Variants in DSCAM observed in about 807,000 individuals in gnomAD.
DSCAM encodes the protein DS cell adhesion molecule, also known as cell adhesion molecule DSCAM.
Under a neutral mutation model 217.7 loss-of-function variants are expected in DSCAM, and 47 were observed. The observed-to-expected ratio is 0.22, with a 90% CI of 0.17 to 0.28. The LOEUF (loss-of-function observed/expected upper bound fraction) is 0.28, where lower values mean the gene tolerates loss of function less well. Among genes scored for constraint, DSCAM ranks in the 10% least tolerant of loss-of-function variants. The pLI, the probability that DSCAM is intolerant of heterozygous loss-of-function variation, is 1.00. For synonymous variants in DSCAM, 1,056 were observed against 1,015.3 expected (o/e 1.04, Z -0.76); for missense variants, 2,080 against 2,618.3 (o/e 0.79, Z 4.49).
At chr21:40,218,392 G>C (rs761373736) in intron 11 of DSCAM, among the ~76,000 whole-genome samples, 1 of 152,170 alleles carries the variant, frequency 6.6e-6, no homozygotes, top group Non-Finnish European at 1.5e-5. Flanking sequence ...TTTGGTTGCT[G>C]TAACCCTGTA....
rs999028640 is a variant in DSCAM at position 40,016,995 on chromosome 21, A to G, written c.5687-3609T>C. ...GCTGGACGTGGTGGTACACGCCTGT[A>G]ATCCCAGCTACTCAGGAGGCTGAGG... is the stretch of plus-strand genomic sequence containing the variant. On this transcript the variant is annotated intron_variant, in intron 32 of 32. Coordinates refer to ENST00000400454, the MANE Select transcript of DSCAM (RefSeq NM_001389.5). The surrounding 1 kb of genome is among the most constrained non-coding windows in gnomAD (Gnocchi z 4.3). Among the ~76,000 whole-genome samples, 6 of 152,090 alleles carry G rather than the reference A, an allele frequency of 3.9e-5. No individual in the cohort carries two copies. The highest frequency in any genetic ancestry group is 1.4e-4 in the African/African-American group (6 of 41,418).
intron 11 of DSCAM, among the ~76,000 whole-genome samples, chr21:40,208,441 T>C (rs1234274667): frequency 6.6e-6 from 1 of 152,148 alleles, no homozygotes; most frequent in Non-Finnish European, 1.5e-5. Flanking sequence ...GCAACACATT[T>C]CTGGGCTAAA....
chr21:40,086,298 G>T (rs529017210), intron 22 of DSCAM, among the ~76,000 whole-genome samples: 6 of 152,344 alleles, frequency 3.9e-5, no homozygotes, highest in African/African-American at 1.4e-4. Context: ...CATAACCACT[G>T]CTCCGGTGGC....
chr21:40,672,623 C>A (rs1353122340), intron 3 of DSCAM, among the ~76,000 whole-genome samples: 1 of 152,152 alleles, frequency 6.6e-6, no homozygotes, highest in African/African-American at 2.4e-5. Flanking sequence ...CACAGGACAT[C>A]CTCCGCACAC....
Position 40,013,225 on chromosome 21 carries a change from C to T in DSCAM, c.5848G>A (p.Ala1950Thr), listed in dbSNP as rs1460007272. 6.2e-7 allele frequency: 1 copy of T among 1,613,844 alleles called. No homozygotes were observed. Among genetic ancestry groups the T allele is most frequent in the East Asian group, 2.2e-5 (1 of 44,848 alleles). Residue 1950 changes from alanine to threonine, a missense_variant, in exon 33 of 33, where the codon GCC (alanine) becomes ACC (threonine). Transcript: ENST00000400454. ...CTCGTGGAGGAGGCGGAGGAGGCGG[C>T]TTCCATCGGGATGGGCTCCAGGACC... ...PTVLEPIPME[A>T]ASSASSTREG...
Position 40,506,343 on chromosome 21 carries a change from A to G in DSCAM, c.509-137098T>C, listed in dbSNP as rs529688527. 7.7e-4 allele frequency among the ~76,000 whole-genome samples: 117 copies of G among 152,338 alleles called. 1 individual carries two copies. Among genetic ancestry groups the G allele is most frequent in the Non-Finnish European group, 5.6e-4 (38 of 68,028 alleles). ...TAGATGCCATTTCTCAGAATGTGCT[A>G]CTGCCTGGGACGTCCATGATGAACA... On this transcript the variant is annotated intron_variant, in intron 3 of 32. Transcript: ENST00000400454.
At chr21:40,740,249 G>A (rs1477511021) in intron 1 of DSCAM, among the ~76,000 whole-genome samples, 1 of 152,150 alleles carries the variant, frequency 6.6e-6, no homozygotes, top group East Asian at 1.9e-4. Context: ...TTAGCTTTGA[G>A]CCGTGCCAAT....
rs747859049 is a variant in DSCAM at position 40,708,563 on chromosome 21, G to A, written c.252C>T (p.Phe84=). ...HVHPNGTLQI[F]PFPPSSFSTL... ...TACTGAAGCTTGAAGGAGGGAAGGG[G>A]AAAATTTGGAGAGTGCCGTTGGGGT... The change falls in exon 2 of 33, where the codon TTC becomes TTT. Residue 84 remains phenylalanine (F), a synonymous_variant. Transcript: ENST00000400454. 1 of 1,602,976 alleles carries A rather than the reference G, an allele frequency of 6.2e-7. No homozygotes were observed. Among genetic ancestry groups the A allele is most frequent in the Non-Finnish European group, 8.5e-7 (1 of 1,173,424 alleles).
At chr21:40,292,548 GACAC>G (rs1302902414) in intron 10 of DSCAM, among the ~76,000 whole-genome samples, 1 of 151,510 alleles carries the variant, frequency 6.6e-6, no homozygotes, top group African/African-American at 2.4e-5. Context: ...ATAAGAGACA[GACAC>G]TACTGCAAAC....
At chr21:40,255,792 T>C (rs953779056) in intron 11 of DSCAM, among the ~76,000 whole-genome samples, 1 of 152,300 alleles carries the variant, frequency 6.6e-6, no homozygotes, top group Middle Eastern at 3.4e-3. Flanking sequence ...GGACAACCCC[T>C]AGCTGACAGC....
intron 3 of DSCAM, among the ~76,000 whole-genome samples, chr21:40,542,413 G>A (rs2076549210): frequency 6.6e-6 from 1 of 152,190 alleles, no homozygotes. Context: ...TGGACTGAAA[G>A]TTTGTGCTCC....
At chr21:40,532,346 T>C (rs1035821054) in intron 3 of DSCAM, among the ~76,000 whole-genome samples, 1 of 152,166 alleles carries the variant, frequency 6.6e-6, no homozygotes, top group Admixed American at 6.5e-5. Context: ...TGCAGATTGA[T>C]TTCCCTGAAC....
At chr21:40,808,436 T>C (rs1462101274) in intron 1 of DSCAM, among the ~76,000 whole-genome samples, 5 of 151,754 alleles carry the variant, frequency 3.3e-5, no homozygotes, top group Non-Finnish European at 1.5e-5. Context: ...AGAAAGGTCT[T>C]TGAGATTCTA....
At chr21:40,624,147 AT>A (rs1375982567) in intron 3 of DSCAM, among the ~76,000 whole-genome samples, 1 of 152,036 alleles carries the variant, frequency 6.6e-6, no homozygotes, top group Admixed American at 6.6e-5. Flanking sequence ...TATCAATCAG[AT>A]TTTTGTGCCG....
chr21:40,591,752 A>G (rs1428406711), intron 3 of DSCAM, among the ~76,000 whole-genome samples: 5 of 152,214 alleles, frequency 3.3e-5, no homozygotes, highest in African/African-American at 9.7e-5. Flanking sequence ...TTTCACTTCA[A>G]TCCCTTAACC....
chr21:40,259,273 A>ACTC (rs112437971), intron 11 of DSCAM, among the ~76,000 whole-genome samples: 1 of 140,236 alleles, frequency 7.1e-6, no homozygotes, highest in Non-Finnish European at 1.5e-5. Flanking sequence ...TCTTTAATGA[A>ACTC]CTCTTTTTTT....
chr21:40,033,972 C>CTGTT (rs1291183114), intron 32 of DSCAM, among the ~76,000 whole-genome samples: 2 of 125,824 alleles, frequency 1.6e-5, no homozygotes, highest in African/African-American at 6.4e-5. Context: ...AGGGTCCTGT[C>CTGTT]TGTTAGAAGG....
At chr21:40,562,590 CCTGAA>C (rs2076729021) in intron 3 of DSCAM, among the ~76,000 whole-genome samples, 1 of 152,212 alleles carries the variant, frequency 6.6e-6, no homozygotes, top group Non-Finnish European at 1.5e-5. Flanking sequence ...ATCATCTCTT[CCTGAA>C]CTGATTTTTC....
At chr21:40,209,795 C>T (rs8131481) in intron 11 of DSCAM, among the ~76,000 whole-genome samples, 67,207 of 151,924 alleles carry the variant, frequency 0.44, 15,911 homozygotes, top group East Asian at 0.58. Context: ...GATGCCTGTG[C>T]TGGGCTGTGA....
Sources: gnomAD v4.1 joint callset for allele counts (sites outside exome capture counted in the v4.1 genomes callset) on GRCh38, gnomAD v4.1.1 for gene constraint, Gnocchi (gnomAD v3.1) non-coding constraint, MANE v1.5 for transcripts, NCBI Gene and HGNC (gene_info 2026-07-23, HGNC 2026-07-21) for gene names.